Variants in DMRT1 observed in about 807,000 individuals in gnomAD.
The protein encoded by DMRT1 is doublesex and mab-3 related transcription factor 1, also known as doublesex- and mab-3-related transcription factor 1.
A neutral mutation model predicts 32.3 loss-of-function variants in DMRT1; 7 were observed. That is an observed-to-expected ratio of 0.22 (90% CI 0.12 to 0.41). The LOEUF is 0.41. DMRT1 is among the 10% of genes least tolerant of loss of function. DMRT1 has a pLI of 1.00. For synonymous variants in DMRT1, 278 were observed against 206.1 expected, an observed-to-expected ratio of 1.35 and a Z score of -2.99; for missense variants, 625 against 500.5, an observed-to-expected ratio of 1.25 and a Z score of -2.37.
intron 4 of DMRT1, among the ~76,000 whole-genome samples, chr9:923,770 T>C (rs1204978321): frequency 6.6e-6 from 1 of 152,240 alleles, no homozygotes; most frequent in East Asian, 1.9e-4. Flanking sequence ...CTTGTCTTTC[T>C]CTGCTTTAAG....
chr9:844,653 C>A (rs114969452), intron 1 of DMRT1, among the ~76,000 whole-genome samples: 2 of 151,198 alleles, frequency 1.3e-5, no homozygotes, highest in African/African-American at 4.9e-5. Context: ...TAATCAGCTT[C>A]CTGTGTTTGG....
At chr9:842,904 G>A (rs1260798101) in intron 1 of DMRT1, 1 of 152,370 alleles carries the variant, frequency 6.6e-6, no homozygotes, top group Non-Finnish European at 1.5e-5. Flanking sequence ...AGAATTGGGA[G>A]GGTTTATTGC....
intron 3 of DMRT1, among the ~76,000 whole-genome samples, chr9:905,234 G>C (rs765081642): frequency 6.6e-6 from 1 of 152,206 alleles, no homozygotes; most frequent in Non-Finnish European, 1.5e-5. Context: ...CATTGGCCCT[G>C]TGGGCATCAC....
At chr9:912,123 A>G (rs546498867) in intron 3 of DMRT1, among the ~76,000 whole-genome samples, 1 of 152,358 alleles carries the variant, frequency 6.6e-6, no homozygotes, top group African/African-American at 2.4e-5. Context: ...TCTTCTTCAC[A>G]AGGCAGCAGG....
At chr9:951,125 A>T (rs1223477165) in intron 4 of DMRT1, among the ~76,000 whole-genome samples, 2 of 152,188 alleles carry the variant, frequency 1.3e-5, no homozygotes, top group East Asian at 3.8e-4. Flanking sequence ...AATTTCTGAC[A>T]AATAATTAAA....
chr9:944,642 A>C (rs1349174746), intron 4 of DMRT1, among the ~76,000 whole-genome samples: 1 of 152,162 alleles, frequency 6.6e-6, no homozygotes, highest in African/African-American at 2.4e-5. Context: ...TTGAGAACAG[A>C]ATCCGTTGCC....
At chr9:905,044 C>A (rs1817719432) in intron 3 of DMRT1, among the ~76,000 whole-genome samples, 1 of 152,068 alleles carries the variant, frequency 6.6e-6, no homozygotes, top group South Asian at 2.1e-4. Flanking sequence ...CTTGCTGTGG[C>A]ATGCCAAGAG....
At chr9:854,912 C>T (rs936305813) in intron 2 of DMRT1, among the ~76,000 whole-genome samples, 2 of 149,990 alleles carry the variant, frequency 1.3e-5, no homozygotes, top group Admixed American at 6.7e-5. Context: ...ACTACAGGCG[C>T]CCGCCGCCAC....
intron 4 of DMRT1, among the ~76,000 whole-genome samples, chr9:955,113 G>A (rs1454259411): frequency 6.6e-6 from 1 of 152,176 alleles, no homozygotes; most frequent in African/African-American, 2.4e-5. Context: ...AGAAGAGGTG[G>A]TCAGTGGAGT....
chr9:847,247 A>C, intron 2 of DMRT1, 104 bp downstream of exon 2: 2 of 1,221,568 alleles, frequency 1.6e-6, no homozygotes, highest in South Asian at 2.9e-5. Context: ...CAGTGTTTAG[A>C]GCTTAGAGGA....
At chr9:925,304 C>T (rs1329097764) in intron 4 of DMRT1, among the ~76,000 whole-genome samples, 5 of 152,198 alleles carry the variant, frequency 3.3e-5, no homozygotes, top group Non-Finnish European at 7.3e-5. Context: ...GTGAAGCATT[C>T]AGTGAAATAA....
chr9:862,183 T>C (rs1157827624), intron 2 of DMRT1, among the ~76,000 whole-genome samples: 1 of 150,432 alleles, frequency 6.6e-6, no homozygotes, highest in Non-Finnish European at 1.5e-5. Context: ...CGAGCCGAGA[T>C]CACGCCACTG....
chr9:854,743 T>TTGAAA (rs1815315409), intron 2 of DMRT1, among the ~76,000 whole-genome samples: 1 of 149,006 alleles, frequency 6.7e-6, no homozygotes, highest in African/African-American at 2.5e-5. Context: ...ATTAAACAAA[T>TTGAAA]TTTCAGAGTT....
intron 3 of DMRT1, among the ~76,000 whole-genome samples, chr9:911,081 A>G (rs192720862): frequency 0.042 from 6,348 of 152,132 alleles, 328 homozygotes; most frequent in East Asian, 0.17. Context: ...GGTGGTGCTC[A>G]GTTAGTTTAA....
chr9:914,540 G>C (rs4269593), intron 3 of DMRT1, among the ~76,000 whole-genome samples: 142,192 of 142,288 alleles, frequency 1, 71,048 homozygotes, highest in Middle Eastern at 1. Flanking sequence ...TGCCACTGCA[G>C]TCCAGCCTGG....
At chr9:905,989 C>T (rs1817759919) in intron 3 of DMRT1, among the ~76,000 whole-genome samples, 1 of 151,364 alleles carries the variant, frequency 6.6e-6, no homozygotes, top group African/African-American at 2.4e-5. Flanking sequence ...TGGAAAATCA[C>T]TAGGCATGCT....
At chr9:963,615 T>A (rs1307216541) in intron 4 of DMRT1, among the ~76,000 whole-genome samples, 1 of 152,188 alleles carries the variant, frequency 6.6e-6, no homozygotes, top group Admixed American at 6.5e-5. Context: ...TTACCTTTTA[T>A]CCCTTGTTCT....
chr9:899,378 G>A (rs999472919), intron 3 of DMRT1, among the ~76,000 whole-genome samples: 3 of 152,144 alleles, frequency 2.0e-5, no homozygotes, highest in African/African-American at 7.2e-5. Context: ...ATAAAAACAA[G>A]CAAGCCACGA....
At chr9:913,338 T>C (rs1818054965) in intron 3 of DMRT1, among the ~76,000 whole-genome samples, 1 of 152,192 alleles carries the variant, frequency 6.6e-6, no homozygotes, top group Non-Finnish European at 1.5e-5. Context: ...ACCTTGCTTC[T>C]AATTCAGTGT....
Sources: gnomAD v4.1 joint callset for allele counts (sites outside exome capture counted in the v4.1 genomes callset) on GRCh38, gnomAD v4.1.1 for gene constraint, MANE v1.5 for transcripts, NCBI Gene and HGNC (gene_info 2026-07-23, HGNC 2026-07-21) for gene names.